CACNA1A: variants seen among roughly 807,000 people sequenced by gnomAD.
CACNA1A encodes the protein voltage-dependent P/Q-type calcium channel subunit alpha-1A.
Under a neutral mutation model 262.4 loss-of-function variants are expected in CACNA1A, and 57 were observed. That is an observed-to-expected ratio of 0.22 (90% CI 0.18 to 0.27). The LOEUF (loss-of-function observed/expected upper bound fraction) is 0.27, where lower values mean the gene tolerates loss of function less well. Among genes scored for constraint, CACNA1A ranks in the 10% least tolerant of loss-of-function variants. CACNA1A has a pLI of 1.00. For missense variants in CACNA1A, 2,526 were observed against 3,562.8 expected, an observed-to-expected ratio of 0.71 and a Z score of 7.41; for synonymous variants, 1,431 against 1,419.3, an observed-to-expected ratio of 1.01 and a Z score of -0.18.
At chr19:13,313,486 C>A in intron 11 of CACNA1A, among the ~76,000 whole-genome samples, 1 of 112,804 alleles carries the variant, frequency 8.9e-6, no homozygotes, top group Admixed American at 1.2e-4. Flanking sequence ...GGTGACAGAG[C>A]AAGACCTTGT....
At chr19:13,292,122 A>G (rs1568500970) in intron 19 of CACNA1A, among the ~76,000 whole-genome samples, 4 of 152,198 alleles carry the variant, frequency 2.6e-5, no homozygotes, top group Admixed American at 1.3e-4. Context: ...TTTTACTGAC[A>G]GTCTGGGAAA....
At chr19:13,473,276 A>AGG (rs1299981540) in intron 1 of CACNA1A, among the ~76,000 whole-genome samples, 1 of 151,172 alleles carries the variant, frequency 6.6e-6, no homozygotes, top group Non-Finnish European at 1.5e-5. Context: ...AGAGAGAGAG[A>AGG]GAAGAGGAAG....
chr19:13,440,776 A>T (rs1334243062), intron 3 of CACNA1A, among the ~76,000 whole-genome samples: 4 of 152,100 alleles, frequency 2.6e-5, no homozygotes, highest in Non-Finnish European at 5.9e-5. Flanking sequence ...AACCTTGAAA[A>T]CAACTCCATA....
Position 13,231,757 on chromosome 19 carries a change from A to G in CACNA1A, c.5353T>C (p.Phe1785Leu). The G allele has an allele frequency of 1.2e-6, 2 of 1,613,794 alleles. No homozygotes were observed. The highest frequency in any genetic ancestry group is 1.7e-6 in the Non-Finnish European group (2 of 1,179,806). Residue 1785 changes from phenylalanine (F) to leucine (L), a missense_variant, in exon 35 of 47, where the codon TTT becomes CTT. Around this residue, in one of 17 missense-constraint regions of CACNA1A, gnomAD observed 39 missense variants for 124.9 expected, o/e 0.31. Transcript: ENST00000360228. Reference sequence around the variant, plus strand: ...AAGGAAACAAAGTAAAAATAAGCAAATTCATTGCCACACTCTCGAGTCAGG... The same window carrying G: ...AAGGAAACAAAGTAAAAATAAGCAAGTTCATTGCCACACTCTCGAGTCAGG... ...GILTRECGNEFAYFYFVSFIF... is the reference protein window; with the variant it reads ...GILTRECGNELAYFYFVSFIF...
At chr19:13,347,480 G>C (rs1221807344) in intron 6 of CACNA1A, among the ~76,000 whole-genome samples, 1 of 152,050 alleles carries the variant, frequency 6.6e-6, no homozygotes, top group South Asian at 2.1e-4. Context: ...CTAAGGCAGT[G>C]ATCCACAAAC....
chr19:13,400,072 A>G (rs74938393), intron 3 of CACNA1A, among the ~76,000 whole-genome samples: 6,395 of 152,228 alleles, frequency 0.042, 281 homozygotes, highest in African/African-American at 0.11. Flanking sequence ...TAACAATTAT[A>G]ATATTCATTA....
At chr19:13,273,486 T>C (rs938406785) in intron 24 of CACNA1A, 1 of 152,200 alleles carries the variant, frequency 6.6e-6, no homozygotes, top group Admixed American at 6.5e-5. Context: ...CATTTATCCA[T>C]TGAGAAGTAG....
intron 12 of CACNA1A, among the ~76,000 whole-genome samples, chr19:13,309,208 C>T (rs1208912427): frequency 6.6e-6 from 1 of 151,840 alleles, no homozygotes; most frequent in East Asian, 2.0e-4. Context: ...CGGGGTTTCA[C>T]TGTGTTGGCC....
At chr19:13,263,169 TTTC>T (rs946060020) in intron 24 of CACNA1A, 14 of 244,732 alleles carry the variant, frequency 5.7e-5, no homozygotes, top group Admixed American at 2.5e-4. Flanking sequence ...CTGCACAGCT[TTTC>T]TTTTTTCTTT....
Position 13,277,050 on chromosome 19 carries a change from A to T in CACNA1A, c.3882+19T>A. On this transcript the variant is annotated intron_variant, in intron 23 of 46. Transcript: ENST00000360228. ...AAAAAAAAAATTACCGTGTGTTCTCACTTATAATCTGCACTCACCTTGATC... is the reference window on the plus strand; with the variant it reads ...AAAAAAAAAATTACCGTGTGTTCTCTCTTATAATCTGCACTCACCTTGATC... The T allele has an allele frequency of 6.3e-7, 1 of 1,585,242 alleles. No individual in the cohort carries two copies. The highest frequency in any genetic ancestry group is 8.7e-7 in the Non-Finnish European group (1 of 1,154,184).
In CACNA1A at chr19:13,261,488, G is replaced by A. The variant is rs1449182527; in HGVS notation, c.4212C>T (p.His1404=). 1.3e-6 allele frequency: 2 copies of A among 1,586,388 alleles called. No homozygotes were observed. Among genetic ancestry groups the A allele is most frequent in the Admixed American group, 1.8e-5 (1 of 54,576 alleles). ...CAAACTCTTTGGACTCGTCAGTGCA[G>A]TGGAAGAATTTCCCCTTGAAGAGCT... ...AVQLFKGKFF[H]CTDESKEFEK... Residue 1404 remains histidine, a synonymous_variant, in exon 26 of 47, where the codon CAC becomes CAT. Coordinates refer to ENST00000360228, the MANE Select transcript of CACNA1A (RefSeq NM_001127222.2).
At chr19:13,463,755 T>C (rs923398476) in intron 1 of CACNA1A, among the ~76,000 whole-genome samples, 1 of 152,216 alleles carries the variant, frequency 6.6e-6, no homozygotes, top group Non-Finnish European at 1.5e-5. Context: ...TATCCAACAA[T>C]GTCCAACACT....
At chr19:13,435,244 G>C (rs1302567603) in intron 3 of CACNA1A, among the ~76,000 whole-genome samples, 1 of 151,742 alleles carries the variant, frequency 6.6e-6, no homozygotes, top group African/African-American at 2.4e-5. Flanking sequence ...CTCCTGGGTA[G>C]CTGGAATTAC....
Position 13,286,587 on chromosome 19 carries a change from C to A in CACNA1A, c.3469G>T (p.Ala1157Ser). The change falls in exon 20 of 47, where the codon GCT becomes TCT. Residue 1157 changes from alanine to serine, a missense_variant. Coordinates refer to ENST00000360228, the MANE Select transcript of CACNA1A (RefSeq NM_001127222.2). Reference protein sequence around the residue: ...TNPSGTQTNSAKTARKPDHTT... With the variant: ...TNPSGTQTNSSKTARKPDHTT... ...TGGTCGGGTTTCCTGGCAGTCTTAG[C>A]TGAATTGGTCTGGGTGCCGCTGGGG... 6.5e-7 allele frequency: 1 copy of A among 1,542,426 alleles called. No individual in the cohort carries two copies. Among genetic ancestry groups the A allele is most frequent in the South Asian group, 1.3e-5 (1 of 78,434 alleles).
At chr19:13,383,809 T>C (rs2059561716) in intron 3 of CACNA1A, among the ~76,000 whole-genome samples, 1 of 152,064 alleles carries the variant, frequency 6.6e-6, no homozygotes, top group Non-Finnish European at 1.5e-5. Flanking sequence ...ATATTGTTTG[T>C]TTGTTTGTTT....
intron 3 of CACNA1A, among the ~76,000 whole-genome samples, chr19:13,388,245 CTTTTTTTTT>C (rs1161893626): frequency 8.8e-4 from 75 of 85,714 alleles, no homozygotes; most frequent in African/African-American, 3.1e-3. Context: ...TCTTCCTCTT[CTTTTTTTTT>C]TTTTTTTTTT....
chr19:13,347,067 G>GTTTT (rs35913659), intron 6 of CACNA1A, among the ~76,000 whole-genome samples: 6 of 138,594 alleles, frequency 4.3e-5, no homozygotes, highest in Admixed American at 7.2e-5. Context: ...TTGTTTTTTT[G>GTTTT]TTTTTTTTTT....
chr19:13,385,719 T>C (rs1392936398), intron 3 of CACNA1A, among the ~76,000 whole-genome samples: 1 of 152,250 alleles, frequency 6.6e-6, no homozygotes, highest in African/African-American at 2.4e-5. Context: ...GTTTTGTTCA[T>C]AGCATCTCCA....
chr19:13,478,462 C>A (rs1978832759), intron 1 of CACNA1A, among the ~76,000 whole-genome samples: 1 of 152,134 alleles, frequency 6.6e-6, no homozygotes, highest in African/African-American at 2.4e-5. Flanking sequence ...GAACTACAGG[C>A]ATGCATTGCC....
Sources: allele counts gnomAD v4.1 joint callset (sites outside exome capture counted in the v4.1 genomes callset), GRCh38; gene constraint gnomAD v4.1.1; regional missense constraint gnomAD v4.1.1; transcripts MANE v1.5; gene names NCBI Gene and HGNC (gene_info 2026-07-23, HGNC 2026-07-21).